FRMD4A: variants seen among roughly 807,000 people sequenced by gnomAD.
FRMD4A encodes FERM domain containing 4A.
FRMD4A carries 29 observed loss-of-function variants against 129.1 expected under a neutral mutation model. The observed-to-expected ratio is 0.22, with a 90% CI of 0.17 to 0.31. The LOEUF is 0.31. FRMD4A is among the 10% of genes least tolerant of loss of function. The probability of loss-of-function intolerance (pLI) is 1.00; values close to 1 mark genes in which losing one functional copy is unlikely to be tolerated. For synonymous variants in FRMD4A, 634 were observed against 571.6 expected (o/e 1.11, Z -1.56); for missense variants, 1,272 against 1,375.8 (o/e 0.92, Z 1.19).
intron 5 of FRMD4A, among the ~76,000 whole-genome samples, chr10:13,791,477 GAA>G (rs1333927100): frequency 2.0e-5 from 3 of 152,092 alleles, no homozygotes; most frequent in Non-Finnish European, 4.4e-5. Flanking sequence ...GAGAGAGAGA[GAA>G]AGTGTGAGCA....
intron 4 of FRMD4A, among the ~76,000 whole-genome samples, chr10:13,801,282 A>G (rs2093248831): frequency 2.0e-5 from 3 of 152,190 alleles, no homozygotes; most frequent in Admixed American, 2.0e-4. Context: ...CAAAAAAAAA[A>G]TGGTCAGGAA....
chr10:14,284,360 T>G (rs921429224), intron 2 of FRMD4A, among the ~76,000 whole-genome samples: 1 of 152,156 alleles, frequency 6.6e-6, no homozygotes, highest in African/African-American at 2.4e-5. Flanking sequence ...AAACTATTGT[T>G]GCAGGAGGCT....
intron 2 of FRMD4A, among the ~76,000 whole-genome samples, chr10:14,091,702 G>A (rs1049933961): frequency 2.2e-4 from 34 of 152,122 alleles, no homozygotes; most frequent in African/African-American, 7.0e-4. Flanking sequence ...CAAAGTGCTG[G>A]GATTACAGGC....
chr10:13,755,731 C>T (rs2130674561), intron 8 of FRMD4A, among the ~76,000 whole-genome samples: 1 of 152,334 alleles, frequency 6.6e-6, no homozygotes, highest in Non-Finnish European at 1.5e-5. Flanking sequence ...TGCAGACTGA[C>T]ACCACAGGTA....
intron 2 of FRMD4A, among the ~76,000 whole-genome samples, chr10:14,276,091 C>T (rs926807571): frequency 3.9e-5 from 6 of 152,182 alleles, no homozygotes; most frequent in African/African-American, 1.4e-4. Context: ...TGTCTCTGGT[C>T]CTGGCCCTGT....
At chr10:14,215,961 A>T (rs1171683803) in intron 2 of FRMD4A, among the ~76,000 whole-genome samples, 1 of 145,384 alleles carries the variant, frequency 6.9e-6, no homozygotes, top group African/African-American at 2.7e-5. Flanking sequence ...TGGAAGGAAT[A>T]AAAAAAAAAC....
At chr10:14,165,406 T>A (rs763862911) in intron 2 of FRMD4A, among the ~76,000 whole-genome samples, 5 of 152,202 alleles carry the variant, frequency 3.3e-5, no homozygotes, top group Admixed American at 6.5e-5. Flanking sequence ...GCCTATACAC[T>A]GTTAGTGGGA....
At chr10:14,059,589 A>C (rs1834709213) in intron 2 of FRMD4A, among the ~76,000 whole-genome samples, 1 of 152,122 alleles carries the variant, frequency 6.6e-6, no homozygotes, top group African/African-American at 2.4e-5. Context: ...GGGAACATTG[A>C]CCTTGAACTC....
At chr10:13,693,416 G>T in intron 15 of FRMD4A, 1 of 658,726 alleles carries the variant, frequency 1.5e-6, no homozygotes, top group Non-Finnish European at 2.0e-6. Context: ...GCACTGAATG[G>T]AGAAATCATG....
chr10:14,136,922 G>C (rs1287014035), intron 2 of FRMD4A, among the ~76,000 whole-genome samples: 1 of 152,122 alleles, frequency 6.6e-6, no homozygotes, highest in African/African-American at 2.4e-5. Flanking sequence ...GGTAATTAAC[G>C]CCAAATTGTG....
At chr10:13,703,316 C>T (rs2087056050) in intron 13 of FRMD4A, among the ~76,000 whole-genome samples, 1 of 152,144 alleles carries the variant, frequency 6.6e-6, no homozygotes, top group African/African-American at 2.4e-5. Flanking sequence ...GCTTCAAGCC[C>T]TTCCTATTTT....
chr10:13,886,652 C>G (rs2094625399), intron 2 of FRMD4A, among the ~76,000 whole-genome samples: 1 of 152,124 alleles, frequency 6.6e-6, no homozygotes, highest in Non-Finnish European at 1.5e-5. Context: ...GCAATCATAG[C>G]TCACTGTAAC....
At chr10:14,005,900 G>A (rs948091716) in intron 2 of FRMD4A, among the ~76,000 whole-genome samples, 2 of 152,184 alleles carry the variant, frequency 1.3e-5, no homozygotes, top group Non-Finnish European at 2.9e-5. Flanking sequence ...TGAACTGAAA[G>A]CCTTACAGAA....
At chr10:13,828,775 G>T (rs375601254) in intron 3 of FRMD4A, among the ~76,000 whole-genome samples, 2 of 152,042 alleles carry the variant, frequency 1.3e-5, no homozygotes, top group Non-Finnish European at 2.9e-5. Context: ...CAGGTGATCC[G>T]CCCGCCTTGG....
chr10:13,684,980 ATTC>A (rs1171280823), intron 15 of FRMD4A: 3 of 983,630 alleles, frequency 3.0e-6, no homozygotes, highest in East Asian at 2.3e-4. Flanking sequence ...AAAGGTTAGA[ATTC>A]TTCTTTATGA....
chr10:13,981,808 A>G (rs190962844), intron 2 of FRMD4A, among the ~76,000 whole-genome samples: 1 of 150,594 alleles, frequency 6.6e-6, no homozygotes, highest in South Asian at 2.1e-4. Flanking sequence ...TCTCCCTGTG[A>G]CTGCAATTTT....
intron 2 of FRMD4A, among the ~76,000 whole-genome samples, chr10:13,862,938 GT>G (rs34188957): frequency 0.49 from 71,380 of 144,522 alleles, 17,051 homozygotes; most frequent in East Asian, 0.62. Flanking sequence ...GTTCTGTTTT[GT>G]TTTTTTTTTT....
intron 2 of FRMD4A, among the ~76,000 whole-genome samples, chr10:14,328,525 C>A (rs955515891): frequency 1.3e-5 from 2 of 151,862 alleles, no homozygotes; most frequent in Non-Finnish European, 2.9e-5. Flanking sequence ...GCGGGTCTAA[C>A]TCTCCCTAAA....
intron 2 of FRMD4A, among the ~76,000 whole-genome samples, chr10:13,884,379 T>C (rs1184093523): frequency 2.0e-5 from 3 of 152,318 alleles, no homozygotes; most frequent in Non-Finnish European, 4.4e-5. Context: ...AAATGGGAAG[T>C]AGACAAAGAA....
Sources: allele counts gnomAD v4.1 joint callset (sites outside exome capture counted in the v4.1 genomes callset), GRCh38; gene constraint gnomAD v4.1.1; transcripts MANE v1.5; gene names NCBI Gene and HGNC (gene_info 2026-07-23, HGNC 2026-07-21).